Variants in SLC6A3 observed in about 807,000 individuals in gnomAD.
SLC6A3 encodes sodium-dependent dopamine transporter.
A neutral mutation model predicts 70.4 loss-of-function variants in SLC6A3; 19 were observed. The ratio of observed to expected loss-of-function variants is 0.27; its 90% CI spans 0.19 to 0.40. The LOEUF is 0.40. Among genes scored for constraint, SLC6A3 ranks in the 10% least tolerant of loss-of-function variants. The probability of loss-of-function intolerance (pLI) is 1.00; values close to 1 mark genes in which losing one functional copy is unlikely to be tolerated. For missense variants in SLC6A3, 613 were observed against 838.5 expected (o/e 0.73, Z 3.32); for synonymous variants, 368 against 356.6 (o/e 1.03, Z -0.36).
intron 4 of SLC6A3, among the ~76,000 whole-genome samples, chr5:1,430,738 A>C (rs1003590305): frequency 1.7e-4 from 26 of 150,986 alleles, no homozygotes; most frequent in Non-Finnish European, 7.4e-5. Context: ...CTTGCAGACC[A>C]AGACCAAAGT....
Position 1,394,847 on chromosome 5 carries a change from G to A in SLC6A3, c.1840-89C>T, listed in dbSNP as rs987385851. ...GTGGCTAAGAGCAGCTGAAGGCAGT[G>A]AGCAGACAGTTTGCAGCCTCCTGGC... On this transcript the variant is annotated intron_variant, in intron 14 of 14. Transcript: ENST00000270349. The surrounding 1 kb of genome is among the most constrained non-coding windows in gnomAD (Gnocchi z 4.7). The A allele has an allele frequency of 1.9e-5, 27 of 1,446,034 alleles. No homozygotes were observed. Among genetic ancestry groups the A allele is most frequent in the East Asian group, 1.1e-4 (5 of 44,098 alleles). 89.6% of individuals were successfully genotyped at this position (1,446,034 alleles called of 1,614,324 possible).
Position 1,396,086 on chromosome 5 carries a change from A to G in SLC6A3, c.1840-1328T>C, listed in dbSNP as rs1366406629. ...CGCACATCACAGTGATGAGAATTTCACAAGAAACAGCAGAGCACACGCAGC... is the reference window on the plus strand; with the variant it reads ...CGCACATCACAGTGATGAGAATTTCGCAAGAAACAGCAGAGCACACGCAGC... On this transcript the variant is annotated intron_variant, in intron 14 of 14. Transcript: ENST00000270349. This position sits in a 1 kb window ranked among gnomAD's most constrained non-coding sequence, Gnocchi z 7.0. Among the ~76,000 whole-genome samples, 1 of 152,186 alleles carries G rather than the reference A, an allele frequency of 6.6e-6. No homozygotes were observed. The highest frequency in any genetic ancestry group is 1.5e-5 in the Non-Finnish European group (1 of 68,018).
In SLC6A3 at chr5:1,434,203, C is replaced by T. The variant is rs182845410; in HGVS notation, c.419-1505G>A. Among the ~76,000 whole-genome samples, 150 of 152,310 alleles carry T rather than the reference C, an allele frequency of 9.8e-4. 1 individual carries two copies. The highest frequency in any genetic ancestry group is 3.0e-3 in the African/African-American group (124 of 41,564). On this transcript the variant is annotated intron_variant, in intron 3 of 14. Transcript: ENST00000270349. ...GGTTTCCTAGAATCACCCAGGGCCA[C>T]GTAAGACCACCAGGGTCCACCCAGG...
At chr5:1,435,006 G>A (rs893441975) in intron 3 of SLC6A3, among the ~76,000 whole-genome samples, 1 of 152,168 alleles carries the variant, frequency 6.6e-6, no homozygotes, top group Admixed American at 6.5e-5. Context: ...TGTGGATCTG[G>A]TCCATATTAA....
Position 1,408,908 on chromosome 5 carries a change from C to T in SLC6A3, c.1498+118G>A. On this transcript the variant is annotated intron_variant, in intron 11 of 14. Transcript: ENST00000270349. The surrounding 1 kb of genome is among the most constrained non-coding windows in gnomAD (Gnocchi z 6.4). ...TCTCCCCTCTGCGGAGCTGTGATGA[C>T]CACAACCCAGGCTTCCTGCAGCTGA... The T allele has an allele frequency of 1.3e-6, 1 of 753,258 alleles. No homozygotes were observed. The highest frequency in any genetic ancestry group is 2.0e-5 in the Admixed American group (1 of 50,220). 46.7% of individuals were successfully genotyped at this position (753,258 alleles called of 1,614,324 possible). A position where few individuals can be genotyped will look rare whatever the true frequency, so the allele number is the denominator to read the frequency against.
intron 1 of SLC6A3, among the ~76,000 whole-genome samples, chr5:1,444,081 C>T (rs1016705040): frequency 4.6e-5 from 7 of 152,178 alleles, no homozygotes; most frequent in Admixed American, 3.9e-4. Context: ...ACATAACCAT[C>T]ACAACTGCTT....
rs28363077 is a variant in SLC6A3 at position 1,413,876 on chromosome 5, C to G, written c.1156+815G>C. On this transcript the variant is annotated intron_variant, in intron 8 of 14. Transcript: ENST00000270349. The surrounding 1 kb of genome is among the most constrained non-coding windows in gnomAD (Gnocchi z 7.1). ...GTGGCCCCAAGTGCCTGGGCCCACTCTCAGCCCCTGCATCTGTGCCCGTCC... is the reference window on the plus strand; with the variant it reads ...GTGGCCCCAAGTGCCTGGGCCCACTGTCAGCCCCTGCATCTGTGCCCGTCC... 1.3e-5 allele frequency among the ~76,000 whole-genome samples: 2 copies of G among 152,222 alleles called. No homozygotes were observed. Among genetic ancestry groups the G allele is most frequent in the Non-Finnish European group, 2.9e-5 (2 of 68,040 alleles).
At chr5:1,422,303 G>C (rs965418508) in intron 4 of SLC6A3, among the ~76,000 whole-genome samples, 7 of 152,208 alleles carry the variant, frequency 4.6e-5, no homozygotes, top group South Asian at 2.1e-4. Flanking sequence ...GGCACCTTGG[G>C]TCTTTGAAGA....
chr5:1,435,765 TGGGTGAGGAAATGG>T, intron 3 of SLC6A3, among the ~76,000 whole-genome samples: 1 of 135,158 alleles, frequency 7.4e-6, no homozygotes, highest in East Asian at 2.2e-4. Context: ...CCTGGGCACC[TGGGTGAGGAAATGG>T]CTCCCTTGAA....
At chr5:1,440,793 A>G (rs1733633076) in intron 3 of SLC6A3, among the ~76,000 whole-genome samples, 1 of 152,180 alleles carries the variant, frequency 6.6e-6, no homozygotes, top group Admixed American at 6.5e-5. Context: ...TCACAGCCTC[A>G]GAAGAAATCA....
At chr5:1,409,635 TG>T in intron 10 of SLC6A3, 85 bp downstream of exon 10, 1 of 1,522,416 alleles carries the variant, frequency 6.6e-7, no homozygotes, top group Non-Finnish European at 9.1e-7. Flanking sequence ...CGGTTCTGTC[TG>T]GCCTGACAGT....
rs6869645 is a variant in SLC6A3, at chr5:1,404,433, C to T, written c.1600-1344G>A. ...CATGGAGGTATTGCTGTAATGTGCT[C>T]TCTGTTATTGTTCAACTTCTTGCTA... On this transcript the variant is annotated intron_variant, in intron 12 of 14. Coordinates refer to ENST00000270349, the MANE Select transcript of SLC6A3 (RefSeq NM_001044.5). This position sits in a 1 kb window ranked among gnomAD's most constrained non-coding sequence, Gnocchi z 5.2. 0.086 allele frequency among the ~76,000 whole-genome samples: 13,041 copies of T among 152,296 alleles called. 704 individuals carry two copies. The highest frequency in any genetic ancestry group is 0.15 in the African/African-American group (6,375 of 41,532).
chr5:1,420,544 G>A, intron 6 of SLC6A3, 25 bp downstream of exon 6: 3 of 1,612,806 alleles, frequency 1.9e-6, no homozygotes, highest in African/African-American at 1.3e-5. Context: ...TGTGGACTGT[G>A]AAGCAGTGAG....
At chr5:1,441,550 G>A in intron 2 of SLC6A3, 60 bp from the exon 3 acceptor site, 1 of 1,590,164 alleles carries the variant, frequency 6.3e-7, no homozygotes, top group Non-Finnish European at 8.6e-7. Flanking sequence ...TCTCCTCGTG[G>A]GAGCTTGGGC....
rs543175932 is a variant in SLC6A3 at position 1,445,337 on chromosome 5, G to T, written c.-46+11C>A. ...GGGGCGCCCCGATGCCGCGAGCGAC[G>T]CTGGCCTCACCTGGCCGCCCGGGCC... On this transcript the variant is annotated intron_variant, in intron 1 of 14. Transcript: ENST00000270349. 6.5e-6 allele frequency: 1 copy of T among 153,412 alleles called. No individual in the cohort carries two copies. Among genetic ancestry groups the T allele is most frequent in the African/African-American group, 2.4e-5 (1 of 41,552 alleles). The allele number at this position is 153,412 out of a possible 1,614,324, so 9.5% of individuals were successfully genotyped here.
chr5:1,399,877 C>T (rs1755805386), intron 14 of SLC6A3, among the ~76,000 whole-genome samples: 1 of 152,202 alleles, frequency 6.6e-6, no homozygotes, highest in Admixed American at 6.5e-5. Context: ...CCTGACGTCA[C>T]CACCCACCTC....
chr5:1,429,093 T>C (rs2652518), intron 4 of SLC6A3, among the ~76,000 whole-genome samples: 1,665 of 152,290 alleles, frequency 0.011, 11 homozygotes, highest in Middle Eastern at 0.034. Flanking sequence ...CCTGATTACA[T>C]GCGCTGGCAG....
rs745526946 is a variant in SLC6A3 at position 1,432,591 on chromosome 5, G to A, written c.526C>T (p.Pro176Ser). Residue 176 changes from proline (P) to serine (S), a missense_variant, in exon 4 of 15, where the codon CCC becomes TCC. This residue lies in a region of SLC6A3 where 153 missense variants were observed against 249.4 expected (regional missense o/e 0.61). Coordinates refer to ENST00000270349, the MANE Select transcript of SLC6A3 (RefSeq NM_001044.5). ...YLFSSFTTELPWIHCNNSWNS... is the reference protein window; with the variant it reads ...YLFSSFTTELSWIHCNNSWNS... ...CAGGAGTTGTTGCAGTGGATCCAGG[G>A]GAGCTCCGTGGTGAAGGAGGAGAAG... 1 of 1,614,080 alleles carries A rather than the reference G, an allele frequency of 6.2e-7. No homozygotes were observed. Among genetic ancestry groups the A allele is most frequent in the Non-Finnish European group, 8.5e-7 (1 of 1,180,018 alleles).
At chr5:1,417,124 T>C (rs926850636) in intron 6 of SLC6A3, among the ~76,000 whole-genome samples, 7 of 151,846 alleles carry the variant, frequency 4.6e-5, no homozygotes, top group Admixed American at 1.3e-4. Flanking sequence ...TGCTGCATGA[T>C]GGCAGTGCCC....
Sources: allele counts gnomAD v4.1 joint callset (sites outside exome capture counted in the v4.1 genomes callset), GRCh38; gene constraint gnomAD v4.1.1; regional missense constraint gnomAD v4.1.1; non-coding constraint Gnocchi (gnomAD v3.1); transcripts MANE v1.5; gene names NCBI Gene and HGNC (gene_info 2026-07-23, HGNC 2026-07-21).